Variants in RBFOX2 observed in about 807,000 individuals in gnomAD.
RBFOX2 encodes the protein RNA binding protein fox-1 homolog 2.
A neutral mutation model predicts 49.1 loss-of-function variants in RBFOX2; 10 were observed. The ratio of observed to expected loss-of-function variants is 0.20; its 90% confidence interval spans 0.13 to 0.35. The LOEUF (loss-of-function observed/expected upper bound fraction) is 0.35, where lower values mean the gene tolerates loss of function less well. Ranked by LOEUF, RBFOX2 falls within the 10% of genes least tolerant of loss-of-function variation. The pLI, the probability that RBFOX2 is intolerant of heterozygous loss-of-function variation, is 1.00. For synonymous variants in RBFOX2, 183 were observed against 187.4 expected (o/e 0.98, Z 0.19); for missense variants, 323 against 486.9 (o/e 0.66, Z 3.17).
At chr22:35,870,121 A>C (rs1163705063) in intron 1 of RBFOX2, among the ~76,000 whole-genome samples, 1 of 152,236 alleles carries the variant, frequency 6.6e-6, no homozygotes, top group Non-Finnish European at 1.5e-5. Flanking sequence ...TATATGCAAA[A>C]GAAAAAGTAT....
chr22:35,765,035 G>A (rs1209796040), intron 6 of RBFOX2, among the ~76,000 whole-genome samples: 5 of 151,672 alleles, frequency 3.3e-5, no homozygotes, highest in Non-Finnish European at 7.4e-5. Flanking sequence ...CTTATGCTCA[G>A]ATGAATGAAA....
intron 1 of RBFOX2, among the ~76,000 whole-genome samples, chr22:35,826,936 T>C (rs2148585070): frequency 6.6e-6 from 1 of 152,304 alleles, no homozygotes; most frequent in South Asian, 2.1e-4. Context: ...TGGTTGATCA[T>C]GGGTAATTGA....
At chr22:35,859,519 A>T (rs2042889923) in intron 1 of RBFOX2, among the ~76,000 whole-genome samples, 2 of 152,360 alleles carry the variant, frequency 1.3e-5, no homozygotes, top group South Asian at 4.1e-4. Flanking sequence ...GAAAATAGCA[A>T]ATCATAGTTA....
intron 1 of RBFOX2, among the ~76,000 whole-genome samples, chr22:35,906,294 C>G (rs2049123717): frequency 2.0e-5 from 3 of 152,232 alleles, no homozygotes; most frequent in African/African-American, 7.2e-5. Context: ...AATGGGAGAG[C>G]AACTTTTCAC....
rs1441337208 is a variant in RBFOX2 at position 35,836,607 on chromosome 22, A to G, written c.27+3585T>C. Among the ~76,000 whole-genome samples the G allele has an allele frequency of 2.0e-5, 3 of 152,226 alleles. No individual in the cohort carries two copies. The East Asian group carries it at 5.8e-4, about 29-fold the overall frequency. On this transcript the variant is annotated intron_variant, in intron 1 of 11. Coordinates refer to ENST00000405409, the Ensembl canonical transcript of RBFOX2. The stretch of plus-strand genomic sequence containing the variant: ...CCTTCCCTCCTCTTGGTCCTGATGG[A>G]AAACAGATTTTGAAGAAAATGCCAG...
intron 1 of RBFOX2, among the ~76,000 whole-genome samples, chr22:35,947,650 CA>C (rs1339534407): frequency 6.6e-5 from 3 of 45,750 alleles, no homozygotes; most frequent in African/African-American, 2.6e-4. Context: ...TCTTAGCTTT[CA>C]ACAAAAAAAA....
At chr22:35,745,562 A>G (rs890528993) in intron 11 of RBFOX2, among the ~76,000 whole-genome samples, 16 of 152,206 alleles carry the variant, frequency 1.1e-4, no homozygotes, top group African/African-American at 3.9e-4. Context: ...CTACAGCCTT[A>G]TGCTCCATGC....
At chr22:35,993,888 G>A (rs1425154074) in intron 1 of RBFOX2, 1 of 152,184 alleles carries the variant, frequency 6.6e-6, no homozygotes, top group Admixed American at 6.5e-5. Flanking sequence ...TCAGGAGGCT[G>A]AGGCAGGAGA....
intron 1 of RBFOX2, among the ~76,000 whole-genome samples, chr22:35,823,461 T>C (rs1005071207): frequency 1.3e-5 from 2 of 152,250 alleles, no homozygotes; most frequent in African/African-American, 4.8e-5. Context: ...ACATTTCACC[T>C]TTTTCTATTT....
chr22:35,853,111 T>C (rs963009256), intron 1 of RBFOX2, among the ~76,000 whole-genome samples: 3 of 151,622 alleles, frequency 2.0e-5, no homozygotes, highest in African/African-American at 7.3e-5. Flanking sequence ...CTGGCCAACA[T>C]GACGAAACTC....
intron 1 of RBFOX2, among the ~76,000 whole-genome samples, chr22:35,979,268 G>A (rs554464757): frequency 7.9e-5 from 12 of 152,312 alleles, no homozygotes; most frequent in African/African-American, 2.2e-4. Context: ...GGTCTGAGGC[G>A]ACATGCAACT....
chr22:35,924,577 G>A (rs778182809), intron 1 of RBFOX2, among the ~76,000 whole-genome samples: 15 of 152,040 alleles, frequency 9.9e-5, no homozygotes, highest in Non-Finnish European at 1.9e-4. Flanking sequence ...TTTTCATATC[G>A]CTCTGGCAAG....
intron 1 of RBFOX2, among the ~76,000 whole-genome samples, chr22:35,828,465 T>C (rs755203842): frequency 2.0e-5 from 3 of 152,124 alleles, no homozygotes; most frequent in Admixed American, 1.3e-4. Flanking sequence ...CTGGAGAAAG[T>C]TGCAGAGAGA....
chr22:35,879,844 C>G (rs571499381), intron 1 of RBFOX2, among the ~76,000 whole-genome samples: 3 of 152,176 alleles, frequency 2.0e-5, no homozygotes, highest in African/African-American at 2.4e-5. Context: ...GATGGAATAC[C>G]GAACCAGGAT....
At chr22:35,816,892 A>AC (rs1200566694) in intron 1 of RBFOX2, among the ~76,000 whole-genome samples, 1 of 152,174 alleles carries the variant, frequency 6.6e-6, no homozygotes, top group Non-Finnish European at 1.5e-5. Flanking sequence ...CTCATCTTTT[A>AC]CCTTGTTCTT....
chr22:35,792,096 C>A (rs1206773814), intron 2 of RBFOX2, among the ~76,000 whole-genome samples: 1 of 151,864 alleles, frequency 6.6e-6, no homozygotes, highest in Non-Finnish European at 1.5e-5. Context: ...GCAGGTGGAT[C>A]ACTTGAGGTT....
At chr22:35,895,380 G>A (rs768275221) in intron 1 of RBFOX2, among the ~76,000 whole-genome samples, 1 of 152,142 alleles carries the variant, frequency 6.6e-6, no homozygotes, top group Non-Finnish European at 1.5e-5. Flanking sequence ...AGTGAGCCAA[G>A]CTTTCCCTCT....
rs367635561 is a variant in RBFOX2, at chr22:35,794,615, G to A, written c.253-12869C>T. Reference sequence around the variant, plus strand: ...GGAACTTACAGTGAGCCGAGATCACGCCACTGCACTCCAGCCTGGGTAACA... The same window carrying A: ...GGAACTTACAGTGAGCCGAGATCACACCACTGCACTCCAGCCTGGGTAACA... On this transcript the variant is annotated intron_variant, in intron 2 of 11. Coordinates refer to ENST00000405409, the Ensembl canonical transcript of RBFOX2. 6.0e-5 allele frequency among the ~76,000 whole-genome samples: 9 copies of A among 151,084 alleles called. No individual in the cohort carries two copies. The East Asian group carries it at 9.7e-4, about 16-fold the overall frequency.
At chr22:35,837,811 C>T (rs1957962833) in intron 1 of RBFOX2, among the ~76,000 whole-genome samples, 1 of 152,040 alleles carries the variant, frequency 6.6e-6, no homozygotes, top group South Asian at 2.1e-4. Flanking sequence ...TATTAAGCAC[C>T]CCAGAATCTC....
Sources: allele counts gnomAD v4.1 joint callset (sites outside exome capture counted in the v4.1 genomes callset), GRCh38; gene constraint gnomAD v4.1.1; transcripts MANE v1.5; gene names NCBI Gene and HGNC (gene_info 2026-07-23, HGNC 2026-07-21).